The following PTPRR variants were observed in gnomAD, a reference collection of about 807,000 sequenced individuals.
PTPRR encodes the protein receptor-type tyrosine-protein phosphatase R.
PTPRR carries 38 observed loss-of-function variants against 77.2 expected under a neutral mutation model. The ratio of observed to expected loss-of-function variants is 0.49; its 90% confidence interval spans 0.38 to 0.65. The LOEUF (loss-of-function observed/expected upper bound fraction) is 0.65. PTPRR is among the 30% of genes least tolerant of loss of function. The pLI, the probability that PTPRR is intolerant of heterozygous loss-of-function variation, is 0.00. For synonymous variants in PTPRR, 299 were observed against 283.1 expected (o/e 1.06, Z -0.57); for missense variants, 744 against 799.2 (o/e 0.93, Z 0.83).
intron 6 of PTPRR, among the ~76,000 whole-genome samples, chr12:70,727,781 G>A (rs1889496566): frequency 6.6e-6 from 1 of 152,188 alleles, no homozygotes; most frequent in South Asian, 2.1e-4. Context: ...AAAGACACAT[G>A]TACTTGAACA....
At chr12:70,803,070 A>G (rs1016928288) in intron 2 of PTPRR, among the ~76,000 whole-genome samples, 16 of 152,190 alleles carry the variant, frequency 1.1e-4, no homozygotes, top group Admixed American at 8.5e-4. Context: ...TTCAAAACCC[A>G]AATTTAGAAA....
chr12:70,810,923 T>G (rs887389551), intron 2 of PTPRR, among the ~76,000 whole-genome samples: 2 of 152,174 alleles, frequency 1.3e-5, no homozygotes, highest in African/African-American at 4.8e-5. Flanking sequence ...CTGTCAGCAT[T>G]AACTAGGATT....
At chr12:70,917,607 A>C (rs1893794178) in intron 1 of PTPRR, among the ~76,000 whole-genome samples, 1 of 151,822 alleles carries the variant, frequency 6.6e-6, no homozygotes, top group Admixed American at 6.6e-5. Flanking sequence ...CATGGTACCC[A>C]CTCCTCATTT....
chr12:70,661,325 C>T (rs1475585234), intron 11 of PTPRR: 1 of 584,386 alleles, frequency 1.7e-6, no homozygotes, highest in Admixed American at 2.4e-5. Flanking sequence ...AGATTTACAT[C>T]TCTACCTATA....
chr12:70,842,691 T>A (rs1478373606), intron 2 of PTPRR, among the ~76,000 whole-genome samples: 2 of 152,202 alleles, frequency 1.3e-5, no homozygotes, highest in Non-Finnish European at 2.9e-5. Flanking sequence ...AACACACTTG[T>A]CATTGGATTG....
chr12:70,718,997 G>A (rs1484501212), intron 6 of PTPRR, among the ~76,000 whole-genome samples: 1 of 152,164 alleles, frequency 6.6e-6, no homozygotes, highest in Non-Finnish European at 1.5e-5. Flanking sequence ...AGATAAAAAC[G>A]AGGTGCTTAA....
chr12:70,825,962 T>G (rs1398888650), intron 2 of PTPRR, among the ~76,000 whole-genome samples: 4 of 152,220 alleles, frequency 2.6e-5, no homozygotes, highest in Non-Finnish European at 5.9e-5. Context: ...TTTTAAGCTT[T>G]TATAAGTCTT....
chr12:70,868,522 A>G (rs1892900676), intron 2 of PTPRR, among the ~76,000 whole-genome samples: 1 of 152,152 alleles, frequency 6.6e-6, no homozygotes, highest in Admixed American at 6.5e-5. Flanking sequence ...GCAATCATTA[A>G]AAAGTCAGGA....
At chr12:70,856,361 C>T (rs1055753596) in intron 2 of PTPRR, among the ~76,000 whole-genome samples, 2 of 152,048 alleles carry the variant, frequency 1.3e-5, no homozygotes, top group Admixed American at 6.6e-5. Flanking sequence ...TGTGAGAATG[C>T]CAGGCTGGCA....
intron 2 of PTPRR, among the ~76,000 whole-genome samples, chr12:70,790,694 T>C (rs1386139774): frequency 1.3e-5 from 2 of 152,112 alleles, no homozygotes; most frequent in Non-Finnish European, 2.9e-5. Flanking sequence ...TCTGTTTCTC[T>C]GTCAATTCTC....
intron 13 of PTPRR, among the ~76,000 whole-genome samples, chr12:70,648,029 C>A (rs1203648106): frequency 6.6e-6 from 1 of 152,172 alleles, no homozygotes; most frequent in Non-Finnish European, 1.5e-5. Context: ...GTGTAACCCA[C>A]TTAGGCTTCC....
At chr12:70,851,626 T>C (rs760949760) in intron 2 of PTPRR, among the ~76,000 whole-genome samples, 1 of 152,204 alleles carries the variant, frequency 6.6e-6, no homozygotes, top group Non-Finnish European at 1.5e-5. Context: ...GTATAAGGCA[T>C]TTATGAAAAT....
chr12:70,639,142 A>T lies in PTPRR; in HGVS notation c.*42T>A. 1 of 1,555,704 alleles carries T rather than the reference A, an allele frequency of 6.4e-7. No homozygotes were observed. The highest frequency in any genetic ancestry group is 8.8e-7 in the Non-Finnish European group (1 of 1,135,228). ...GAAGCCTTGGGTGGGTAATTTGATTAATCACCCCAAGAGATTGATGGTCTG... is the reference window on the plus strand; with the variant it reads ...GAAGCCTTGGGTGGGTAATTTGATTTATCACCCCAAGAGATTGATGGTCTG... On this transcript the variant is annotated 3_prime_UTR_variant, in exon 14 of 14. Transcript: ENST00000283228.
chr12:70,766,345 G>C, intron 2 of PTPRR, among the ~76,000 whole-genome samples: 1 of 152,194 alleles, frequency 6.6e-6, no homozygotes, highest in Non-Finnish European at 1.5e-5. Flanking sequence ...GAAAGCCAAG[G>C]CTTGAGAACT....
intron 6 of PTPRR, among the ~76,000 whole-genome samples, chr12:70,729,642 T>A (rs1328505246): frequency 6.6e-6 from 1 of 152,150 alleles, no homozygotes; most frequent in East Asian, 1.9e-4. Flanking sequence ...TAACCACTTT[T>A]ACCAACAGTG....
chr12:70,838,798 GATACA>G (rs1296036306), intron 2 of PTPRR, among the ~76,000 whole-genome samples: 5 of 152,052 alleles, frequency 3.3e-5, no homozygotes, highest in Non-Finnish European at 7.4e-5. Context: ...GCCAGGGGAA[GATACA>G]CCTACAAAGG....
intron 2 of PTPRR, among the ~76,000 whole-genome samples, chr12:70,767,522 T>C (rs1383684238): frequency 1.3e-5 from 2 of 152,062 alleles, no homozygotes; most frequent in East Asian, 3.8e-4. Flanking sequence ...AAGCCAGTCC[T>C]GAGTGACCTA....
At chr12:70,725,944 C>T (rs1011292475) in intron 6 of PTPRR, among the ~76,000 whole-genome samples, 2 of 152,034 alleles carry the variant, frequency 1.3e-5, no homozygotes, top group African/African-American at 2.4e-5. Flanking sequence ...CATTACTGCG[C>T]CTGTTGAACC....
At chr12:70,740,687 TGATA>T (rs1226201842) in intron 6 of PTPRR, among the ~76,000 whole-genome samples, 3 of 152,180 alleles carry the variant, frequency 2.0e-5, no homozygotes, top group African/African-American at 7.2e-5. Flanking sequence ...GATATCAAAG[TGATA>T]GATTCTCCCA....
Sources: allele counts gnomAD v4.1 joint callset (sites outside exome capture counted in the v4.1 genomes callset), GRCh38; gene constraint gnomAD v4.1.1; transcripts MANE v1.5; gene names NCBI Gene and HGNC (gene_info 2026-07-23, HGNC 2026-07-21).